Variants in SAFB2 observed in about 807,000 individuals in gnomAD.
The protein encoded by SAFB2 is scaffold attachment factor B2.
SAFB2 carries 32 observed loss-of-function variants against 100.6 expected under a neutral mutation model. The observed-to-expected ratio is 0.32, with a 90% CI of 0.24 to 0.43. The LOEUF (loss-of-function observed/expected upper bound fraction) is 0.43. Among genes scored for constraint, SAFB2 ranks in the 20% least tolerant of loss-of-function variants. The pLI is 1.00. For synonymous variants in SAFB2, 500 were observed against 439.4 expected (o/e 1.14, Z -1.72); for missense variants, 1,185 against 1,163.4 (o/e 1.02, Z -0.27).
intron 13 of SAFB2, chr19:5,598,509 C>G (rs932668884): frequency 2.0e-5 from 9 of 445,176 alleles, no homozygotes; most frequent in Non-Finnish European, 3.3e-5. Flanking sequence ...CTGGGTCTGG[C>G]CCATCCCACC....
In SAFB2 at chr19:5,616,265, G is replaced by A; in HGVS notation, c.410C>T (p.Thr137Ile). 6.2e-7 allele frequency: 1 copy of A among 1,614,166 alleles called. No individual in the cohort carries two copies. The highest frequency in any genetic ancestry group is 8.5e-7 in the Non-Finnish European group (1 of 1,180,030). The change falls in exon 4 of 21, where the codon ACT becomes ATT. Residue 137 changes from threonine to isoleucine, a missense_variant. Thr to Ile is a moderately conservative substitution (Grantham distance 89). Around this residue, in one of 3 missense-constraint regions of SAFB2, gnomAD observed 351 missense variants for 341.2 expected, o/e 1.03. Transcript: ENST00000252542. ...GMMDMSVLDE[T>I]EVANSSAPDF... Reference sequence around the variant, plus strand: ...TGGAGCACTGCTATTCGCCACTTCAGTTTCGTCTAGCACACTCATGTCCAT... The same window carrying A: ...TGGAGCACTGCTATTCGCCACTTCAATTTCGTCTAGCACACTCATGTCCAT...
chr19:5,614,420 C>T (rs1226986482), intron 4 of SAFB2, among the ~76,000 whole-genome samples: 3 of 152,130 alleles, frequency 2.0e-5, no homozygotes, highest in Non-Finnish European at 4.4e-5. Flanking sequence ...TTCCTTTTCT[C>T]GATTTGAACT....
intron 12 of SAFB2, among the ~76,000 whole-genome samples, chr19:5,599,168 C>G (rs546486554): frequency 6.6e-6 from 1 of 152,246 alleles, no homozygotes. Context: ...TCCTGCAGAG[C>G]CCTCCGTGAC....
intron 17 of SAFB2, 91 bp downstream of exon 17, chr19:5,591,657 T>C: frequency 2.3e-6 from 3 of 1,320,564 alleles, no homozygotes; most frequent in African/African-American, 1.5e-5. Context: ...GCCACCTCTC[T>C]GGGATCAAGC....
At chr19:5,618,998 A>G (rs1338834811) in intron 2 of SAFB2, among the ~76,000 whole-genome samples, 3 of 152,272 alleles carry the variant, frequency 2.0e-5, no homozygotes, top group Admixed American at 6.5e-5. Context: ...TTTTCCCTCA[A>G]CAAGTTTGGC....
Position 5,587,891 on chromosome 19 carries a change from C to A in SAFB2, c.2615G>T (p.Ser872Ile), listed in dbSNP as rs1221594448. 6.2e-7 allele frequency: 1 copy of A among 1,611,894 alleles called. No individual in the cohort carries two copies. The highest frequency in any genetic ancestry group is 1.3e-5 in the African/African-American group (1 of 75,060). The stretch of plus-strand genomic sequence containing the variant: ...ACCTTGCCACCTGGCGTGCTCCCGG[C>A]TAGCCGCGCCTGCGTCCATGGCACC... ...WQGAMDAGAASREHARWQGGE... is the reference protein window; with the variant it reads ...WQGAMDAGAAIREHARWQGGE... The change falls in exon 19 of 21, where the codon AGC becomes ATC. Residue 872 changes from serine to isoleucine, a missense_variant. Around this residue, in one of 3 missense-constraint regions of SAFB2, gnomAD observed 740 missense variants for 687.1 expected, o/e 1.08. Coordinates refer to ENST00000252542, the MANE Select transcript of SAFB2 (RefSeq NM_014649.3). The surrounding 1 kb of genome is among the most constrained non-coding windows in gnomAD (Gnocchi z 4.9).
intron 18 of SAFB2, among the ~76,000 whole-genome samples, chr19:5,589,488 T>A (rs2052341136): frequency 1.3e-5 from 2 of 151,454 alleles, no homozygotes. Context: ...CTGGGCAGGG[T>A]CCGAGGCAGC....
At position 5,590,373 on chromosome 19, in the gene SAFB2, G is replaced by C; in HGVS notation, c.2430C>G (p.Pro810=). The C allele has an allele frequency of 6.2e-7, 1 of 1,612,000 alleles. No individual in the cohort carries two copies. Among genetic ancestry groups the C allele is most frequent in the South Asian group, 1.1e-5 (1 of 90,576 alleles). The change falls in exon 18 of 21, where the codon CCC becomes CCG. Residue 810 remains proline (P), a synonymous_variant. Coordinates refer to ENST00000252542, the MANE Select transcript of SAFB2 (RefSeq NM_014649.3). ...GGGAGTCCCGGCCGTGGCGCTCTGG[G>C]GGTCCTCCGTGGCCATGGCGGTCAT... ...YGDDRHGHGG[P]PERHGRDSRD...
chr19:5,590,142 A>G (rs144333560), intron 18 of SAFB2, 136 bp downstream of exon 18: 30 of 761,012 alleles, frequency 3.9e-5, no homozygotes, highest in Middle Eastern at 7.1e-4. Flanking sequence ...CAGGGGTTTC[A>G]AATGGCAGGA....
rs1568237522 is a variant in SAFB2, at chr19:5,622,746, G to C, written c.-31C>G. 3 of 1,576,212 alleles carry C rather than the reference G, an allele frequency of 1.9e-6. No homozygotes were observed. The African/African-American group carries it at 4.1e-5, about 21-fold the overall frequency. ...CGTTCCCGTCTTCGCCACCGACTCA[G>C]TCGCACACCGCCGGCAGCTATAGCG... On this transcript the variant is annotated 5_prime_UTR_variant, in exon 1 of 21. Transcript: ENST00000252542.
chr19:5,587,050 C>T lies in SAFB2; in HGVS notation c.*193G>A. 4.0e-6 allele frequency: 3 copies of T among 754,376 alleles called. No individual in the cohort carries two copies. The highest frequency in any genetic ancestry group is 6.3e-6 in the Non-Finnish European group (3 of 476,584). 46.7% of individuals were successfully genotyped at this position (754,376 alleles called of 1,614,324 possible). A position where few individuals can be genotyped will look rare whatever the true frequency, so the allele number is the denominator to read the frequency against. On this transcript the variant is annotated 3_prime_UTR_variant, in exon 21 of 21. Coordinates refer to ENST00000252542, the MANE Select transcript of SAFB2 (RefSeq NM_014649.3). The surrounding 1 kb of genome is among the most constrained non-coding windows in gnomAD (Gnocchi z 4.9). ...AAATGGAATGCCTCGTTAACAGAAA[C>T]CTTGATTTAAAAATGGCAGAACAAG...
At chr19:5,607,357 G>A (rs1006235552) in intron 9 of SAFB2, among the ~76,000 whole-genome samples, 1 of 152,060 alleles carries the variant, frequency 6.6e-6, no homozygotes, top group Non-Finnish European at 1.5e-5. Context: ...AAAATATTGG[G>A]TGACTTCTTA....
At chr19:5,622,017 G>T (rs571033238) in intron 1 of SAFB2, among the ~76,000 whole-genome samples, 1 of 152,388 alleles carries the variant, frequency 6.6e-6, no homozygotes, top group East Asian at 1.9e-4. Flanking sequence ...GCTCAGGAAG[G>T]TGATGTCTCA....
chr19:5,613,517 T>C lies in SAFB2; in HGVS notation c.554A>G (p.Glu185Gly), dbSNP rs1366590946. Residue 185 changes from glutamate to glycine, a missense_variant, in exon 5 of 21, where the codon GAA becomes GGA. Glu to Gly is a moderately conservative substitution (Grantham distance 98). Around this residue, in one of 3 missense-constraint regions of SAFB2, gnomAD observed 351 missense variants for 341.2 expected, o/e 1.03. Transcript: ENST00000252542. Reference protein sequence around the residue: ...AQPPEHAVDGEGFKNTLETSS... With the variant: ...AQPPEHAVDGGGFKNTLETSS... ...AGTTTCCAAAGTGTTCTTAAATCCT[T>C]CCCCATCCACCTGAAAAACAAAATG... The C allele has an allele frequency of 3.1e-6, 5 of 1,613,956 alleles. No homozygotes were observed. The highest frequency in any genetic ancestry group is 4.2e-6 in the Non-Finnish European group (5 of 1,179,904).
At chr19:5,598,740 G>A (rs547298435) in intron 13 of SAFB2, 53 bp downstream of exon 13, 22 of 1,517,980 alleles carry the variant, frequency 1.4e-5, no homozygotes, top group African/African-American at 4.1e-5. Context: ...CAAACGGGCC[G>A]TGGAGCCATC....
At chr19:5,618,014 T>C (rs1010979918) in intron 2 of SAFB2, among the ~76,000 whole-genome samples, 9 of 152,120 alleles carry the variant, frequency 5.9e-5, no homozygotes, top group East Asian at 5.8e-4. Context: ...CATGGTGTTA[T>C]GTACCTGTAC....
chr19:5,592,553 T>A (rs1364838128), intron 16 of SAFB2, among the ~76,000 whole-genome samples, 194 bp downstream of exon 16: 1 of 152,192 alleles, frequency 6.6e-6, no homozygotes, highest in Non-Finnish European at 1.5e-5. Context: ...TGAGATGCCT[T>A]CCTCTGAGGT....
chr19:5,602,647 G>C (rs2052687602), intron 11 of SAFB2, among the ~76,000 whole-genome samples: 2 of 152,066 alleles, frequency 1.3e-5, no homozygotes, highest in African/African-American at 2.4e-5. Context: ...CATAGAGCAA[G>C]TGCCTCACAG....
chr19:5,595,742 C>T (rs374895244), intron 13 of SAFB2, among the ~76,000 whole-genome samples: 4 of 152,362 alleles, frequency 2.6e-5, no homozygotes, highest in Admixed American at 6.5e-5. Context: ...GGTTGGCCCA[C>T]GCCTCAGAAA....
Sources: gnomAD v4.1 joint callset for allele counts (sites outside exome capture counted in the v4.1 genomes callset) on GRCh38, gnomAD v4.1.1 for gene constraint, gnomAD v4.1.1 regional missense constraint, Gnocchi (gnomAD v3.1) non-coding constraint, MANE v1.5 for transcripts, NCBI Gene and HGNC (gene_info 2026-07-23, HGNC 2026-07-21) for gene names.